TRIP11: variants seen among roughly 807,000 people sequenced by gnomAD.
TRIP11 encodes thyroid hormone receptor interactor 11, also known as thyroid receptor-interacting protein 11.
In TRIP11, 148 loss-of-function variants were observed where a neutral mutation model predicts 223.1. The observed-to-expected ratio is 0.66, with a 90% CI of 0.58 to 0.76. The LOEUF (loss-of-function observed/expected upper bound fraction) is 0.76, where lower values mean the gene tolerates loss of function less well. TRIP11 is among the 30% of genes least tolerant of loss of function. The pLI is 0.00. For missense variants in TRIP11, 2,043 were observed against 2,222.0 expected (o/e 0.92, Z 1.62); for synonymous variants, 762 against 772.6 (o/e 0.99, Z 0.23).
chr14:91,997,666 A>G (rs1380338460), intron 13 of TRIP11, among the ~76,000 whole-genome samples: 1 of 152,040 alleles, frequency 6.6e-6, no homozygotes, highest in East Asian at 1.9e-4. Flanking sequence ...AAGCAGAAGA[A>G]AAAGAAACAG....
At position 91,967,816 on chromosome 14, in the gene TRIP11, T is replaced by C. The variant is rs1444006536; in HGVS notation, c.*1857A>G. On this transcript the variant is annotated 3_prime_UTR_variant, in exon 21 of 21. Transcript: ENST00000267622. ...GCAAGCAGCAAATAATGTAGGATAGTCAGTGAAAGTATCTTTGTTAGGAGC... is the reference window on the plus strand; with the variant it reads ...GCAAGCAGCAAATAATGTAGGATAGCCAGTGAAAGTATCTTTGTTAGGAGC... The C allele has an allele frequency of 5.1e-6, 1 of 197,102 alleles. No individual in the cohort carries two copies. Among genetic ancestry groups the C allele is most frequent in the Non-Finnish European group, 1.1e-5 (1 of 95,144 alleles). 12.2% of individuals were successfully genotyped at this position (197,102 alleles called of 1,614,324 possible).
Position 92,033,346 on chromosome 14 carries a change from C to A in TRIP11, c.140-93G>T, listed in dbSNP as rs926097675. The A allele has an allele frequency of 3.0e-6, 3 of 1,004,532 alleles. No individual in the cohort carries two copies. The African/African-American group carries it at 4.9e-5, about 16-fold the overall frequency. 62.2% of individuals were successfully genotyped at this position (1,004,532 alleles called of 1,614,324 possible). ...AAGAAAATATATTTCACTGAGTTTA[C>A]ACAGAATAGTAGGCTGATATGAAAG... On this transcript the variant is annotated intron_variant, in intron 1 of 20. Transcript: ENST00000267622.
chr14:91,978,343 C>G lies in TRIP11; in HGVS notation c.5261-2154G>C, dbSNP rs146543995. On this transcript the variant is annotated intron_variant, in intron 16 of 20. Transcript: ENST00000267622. The surrounding 1 kb of genome is among the most constrained non-coding windows in gnomAD (Gnocchi z 4.4). ...CCTCCCCAAGGCTACAGAAAGATAG[C>G]AGAAAAACAGAGGTCAAGCTTAGCT... 2.3e-3 allele frequency among the ~76,000 whole-genome samples: 343 copies of G among 152,182 alleles called. 2 individuals are homozygous for G. The highest frequency in any genetic ancestry group is 3.4e-3 in the Middle Eastern group (1 of 294).
At chr14:92,002,630 G>T (rs2140114413) in intron 11 of TRIP11, among the ~76,000 whole-genome samples, 1 of 151,412 alleles carries the variant, frequency 6.6e-6, no homozygotes, top group Non-Finnish European at 1.5e-5. Context: ...AGGCAGGAGT[G>T]TAATGGCATG....
At position 91,966,362 on chromosome 14, in the gene TRIP11, TTAAAGA is replaced by T. The variant is rs2056342288; in HGVS notation, c.*3305_*3310del. 1 of 183,456 alleles carries T rather than the reference TTAAAGA, an allele frequency of 5.5e-6. No homozygotes were observed. The highest frequency in any genetic ancestry group is 6.2e-5 in the Admixed American group (1 of 16,030). 11.4% of individuals were successfully genotyped at this position (183,456 alleles called of 1,614,324 possible). Reference sequence around the variant, plus strand: ...TATACTTACTTGATATTTACAAAACTTAAAGATAAATTTTTGTGGATGGAAGATGTC... The same window carrying T: ...TATACTTACTTGATATTTACAAAACTTAAATTTTTGTGGATGGAAGATGTC... On this transcript the variant is annotated 3_prime_UTR_variant, in exon 21 of 21. Transcript: ENST00000267622.
chr14:91,971,206 T>C (rs1187266134), intron 20 of TRIP11, among the ~76,000 whole-genome samples: 2 of 152,150 alleles, frequency 1.3e-5, no homozygotes, highest in African/African-American at 4.8e-5. Flanking sequence ...ACTTCAGCAA[T>C]GGGAAACTCA....
intron 9 of TRIP11, among the ~76,000 whole-genome samples, chr14:92,008,996 G>A (rs1400427668): frequency 6.6e-6 from 1 of 152,106 alleles, no homozygotes; most frequent in Non-Finnish European, 1.5e-5. Flanking sequence ...ACAGAGATCC[G>A]ATAAAAGCTA....
intron 3 of TRIP11, among the ~76,000 whole-genome samples, chr14:92,023,791 T>C (rs1043808604): frequency 6.6e-6 from 1 of 152,134 alleles, no homozygotes; most frequent in Non-Finnish European, 1.5e-5. Flanking sequence ...AGAGCAAGTA[T>C]AGCAATGTGA....
chr14:91,989,595 T>C (rs1442057720), intron 15 of TRIP11, among the ~76,000 whole-genome samples: 1 of 151,328 alleles, frequency 6.6e-6, no homozygotes, highest in Non-Finnish European at 1.5e-5. Flanking sequence ...TTCTCCCATG[T>C]AAATTTAAGG....
chr14:91,993,117 A>G (rs1048476169), intron 15 of TRIP11, among the ~76,000 whole-genome samples: 15 of 151,744 alleles, frequency 9.9e-5, no homozygotes, highest in Non-Finnish European at 4.4e-5. Flanking sequence ...ATGGGATAAT[A>G]TATATTGTTT....
chr14:91,975,208 C>T lies in TRIP11; in HGVS notation c.5421G>A (p.Gly1807=). ...NQRHEVLRLM[G]SILGVRREEM... is the part of the protein sequence containing the mutation. ...CCTCCCTTCTGACGCCCAGGATGCT[C>T]CCCATTAACCGTAACACTTCATGAC... Residue 1807 remains glycine, a synonymous_variant, in exon 18 of 21, where the codon GGG becomes GGA. Transcript: ENST00000267622. 1 of 1,613,762 alleles carries T rather than the reference C, an allele frequency of 6.2e-7. No individual in the cohort carries two copies. The highest frequency in any genetic ancestry group is 8.5e-7 in the Non-Finnish European group (1 of 1,179,814).
chr14:91,999,816 T>C, intron 12 of TRIP11, 152 bp downstream of exon 12: 3 of 1,022,920 alleles, frequency 2.9e-6, no homozygotes, highest in Non-Finnish European at 4.2e-6. Flanking sequence ...AAATGCACCA[T>C]GGGAGATTAA....
rs1375395665 is a variant in TRIP11, at chr14:92,014,275, T to C, written c.1126A>G (p.Arg376Gly). 5.6e-6 allele frequency: 9 copies of C among 1,614,094 alleles called. No homozygotes were observed. Among genetic ancestry groups the C allele is most frequent in the Non-Finnish European group, 7.6e-6 (9 of 1,179,994 alleles). The change falls in exon 7 of 21, where the codon AGA becomes GGA. Residue 376 changes from arginine to glycine, a missense_variant. Arg to Gly is a moderately radical substitution (Grantham distance 125). Coordinates refer to ENST00000267622, the MANE Select transcript of TRIP11 (RefSeq NM_004239.4). ...KQSDTMTEKERILAQSASVEE... is the reference protein window; with the variant it reads ...KQSDTMTEKEGILAQSASVEE... ...ACTGATGCACTCTGGGCAAGAATTC[T>C]TTCCTTTTCTGTCATAGTATCACTT...
At chr14:92,008,779 T>C (rs2056936649) in intron 9 of TRIP11, among the ~76,000 whole-genome samples, 1 of 152,118 alleles carries the variant, frequency 6.6e-6, no homozygotes, top group African/African-American at 2.4e-5. Context: ...GGCAGAAGGA[T>C]TACTTGAGCC....
In TRIP11 at chr14:91,995,441, G is replaced by A. The variant is rs143594637; in HGVS notation, c.4967C>T (p.Ala1656Val). The change falls in exon 14 of 21, where the codon GCG (alanine) becomes GTG (valine). Residue 1656 changes from alanine to valine, a missense_variant. Physicochemically the swap from Ala to Val is moderately conservative, Grantham distance 64 (BLOSUM62 0). Coordinates refer to ENST00000267622, the MANE Select transcript of TRIP11 (RefSeq NM_004239.4). ...NVVSKQRDET[A>V]LQLSVSQEQV... ...TTCCTGAGAGACAGAAAGCTGCAGCGCAGTTTCATCCCTTTGCTTGGAAAC... is the reference window on the plus strand; with the variant it reads ...TTCCTGAGAGACAGAAAGCTGCAGCACAGTTTCATCCCTTTGCTTGGAAAC... The A allele has an allele frequency of 7.0e-5, 113 of 1,614,026 alleles. No homozygotes were observed. The highest frequency in any genetic ancestry group is 2.3e-4 in the Admixed American group (14 of 60,010).
intron 4 of TRIP11, among the ~76,000 whole-genome samples, chr14:92,019,439 T>C (rs2140135075): frequency 6.6e-6 from 1 of 152,316 alleles, no homozygotes; most frequent in Admixed American, 6.5e-5. Flanking sequence ...AGTTTACTGC[T>C]TTTTGGAGAT....
chr14:92,039,644 C>A lies in TRIP11; in HGVS notation c.42G>T (p.Gln14His), dbSNP rs61740833. The change falls in exon 1 of 21, where the codon CAG becomes CAT. Residue 14 changes from glutamine to histidine, a missense_variant. Physicochemically the swap from Gln to His is conservative, Grantham distance 24 (BLOSUM62 0). Coordinates refer to ENST00000267622, the MANE Select transcript of TRIP11 (RefSeq NM_004239.4). ...WLGGLGSGLG[Q>H]SLGQVGGSLA... ...GGCTGCCCCCGACTTGACCCAGAGA[C>A]TGGCCCAATCCGGAGCCGAGGCCCC... 1.9e-6 allele frequency: 3 copies of A among 1,612,724 alleles called. No individual in the cohort carries two copies. The highest frequency in any genetic ancestry group is 1.1e-5 in the South Asian group (1 of 90,652).
intron 9 of TRIP11, among the ~76,000 whole-genome samples, chr14:92,010,015 A>G (rs1365904514): frequency 6.6e-6 from 1 of 152,252 alleles, no homozygotes; most frequent in Non-Finnish European, 1.5e-5. Context: ...TTTTAAAATT[A>G]GGAATTTAAA....
At chr14:91,999,914 AAT>A in intron 12 of TRIP11, 52 bp downstream of exon 12, 1 of 1,604,146 alleles carries the variant, frequency 6.2e-7, no homozygotes, top group Non-Finnish European at 8.5e-7. Flanking sequence ...CAGTTCTCTT[AAT>A]AGTTATTAAA....
Sources: allele counts gnomAD v4.1 joint callset (sites outside exome capture counted in the v4.1 genomes callset), GRCh38; gene constraint gnomAD v4.1.1; non-coding constraint Gnocchi (gnomAD v3.1); transcripts MANE v1.5; gene names NCBI Gene and HGNC (gene_info 2026-07-23, HGNC 2026-07-21).